The following MTMR14 variants were observed in gnomAD, a reference collection of about 807,000 sequenced individuals.
MTMR14 encodes the protein phosphatidylinositol-3,5-bisphosphate 3-phosphatase MTMR14.
A neutral mutation model predicts 86.3 loss-of-function variants in MTMR14; 48 were observed. That is an observed-to-expected ratio of 0.56 (90% CI 0.44 to 0.71). The LOEUF (loss-of-function observed/expected upper bound fraction) is 0.71. MTMR14 is among the 30% of genes least tolerant of loss of function. The pLI, the probability that MTMR14 is intolerant of heterozygous loss-of-function variation, is 0.00. For synonymous variants in MTMR14, 366 were observed against 326.1 expected (o/e 1.12, Z -1.32); for missense variants, 780 against 834.6 (o/e 0.93, Z 0.81).
At chr3:9,686,025 C>T (rs1298493398) in intron 13 of MTMR14, among the ~76,000 whole-genome samples, 4 of 152,150 alleles carry the variant, frequency 2.6e-5, no homozygotes, top group East Asian at 1.9e-4. Flanking sequence ...CTTTGGCCCC[C>T]ACTCCCCCAT....
chr3:9,687,572 A>T (rs1292205987), intron 13 of MTMR14, among the ~76,000 whole-genome samples: 1 of 151,524 alleles, frequency 6.6e-6, no homozygotes, highest in African/African-American at 2.4e-5. Flanking sequence ...AAAAAAAAAA[A>T]TAGCTGGCTT....
rs776310056 is a variant in MTMR14 at position 9,677,421 on chromosome 3, T to A, written c.822+34T>A. The A allele has an allele frequency of 2.5e-6, 4 of 1,588,070 alleles. No individual in the cohort carries two copies. Among genetic ancestry groups the A allele is most frequent in the Non-Finnish European group, 3.5e-6 (4 of 1,156,400 alleles). On this transcript the variant is annotated intron_variant, in intron 8 of 18. Transcript: ENST00000296003. The surrounding 1 kb of genome is among the most constrained non-coding windows in gnomAD (Gnocchi z 4.2). ...AATAACATACATCAAATTGGATCTA[T>A]GTCTCTTTGTAAAGGGAGGCCAAGG... is the stretch of plus-strand genomic sequence containing the variant.
In MTMR14 at chr3:9,668,736, C is replaced by T. The variant is rs752773387; in HGVS notation, c.435C>T (p.Ala145=). ...TCTCCCAGCACATTTGCAGGTCGGC[C>T]ACACTGGCTGGATGGGGAGAGCTGT... ...LFKGKHICRS[A]TLAGWGELYG... The change falls in exon 4 of 19, where the codon GCC becomes GCT. Residue 145 remains alanine (A), a synonymous_variant. Coordinates refer to ENST00000296003, the MANE Select transcript of MTMR14 (RefSeq NM_001077525.3). The T allele has an allele frequency of 2.5e-6, 4 of 1,614,104 alleles. No homozygotes were observed. The highest frequency in any genetic ancestry group is 1.6e-4 in the Middle Eastern group (1 of 6,084).
rs750443509 is a variant in MTMR14, at chr3:9,697,808, C to T, written c.1711C>T (p.Leu571=). 3.7e-6 allele frequency: 6 copies of T among 1,614,226 alleles called. No individual in the cohort carries two copies. The South Asian group carries it at 5.5e-5, about 15-fold the overall frequency. ...TGGCAGTATTCAGGAGCGGGCTGTC[C>T]TGCACACAGACTCCTCTCTCCCTTT... ...GCGSIQERAV[L]HTDSSLPFSF... is the part of the protein sequence containing the mutation. The change falls in exon 18 of 19, where the codon CTG becomes TTG. Residue 571 remains leucine, a synonymous_variant. Transcript: ENST00000296003.
chr3:9,657,252 G>A (rs1162299374), intron 2 of MTMR14, among the ~76,000 whole-genome samples: 1 of 152,202 alleles, frequency 6.6e-6, no homozygotes, highest in Admixed American at 6.5e-5. Context: ...AATCAACTGG[G>A]GATCTTTCTA....
intron 9 of MTMR14, among the ~76,000 whole-genome samples, chr3:9,678,732 C>G (rs2075663683): frequency 6.6e-6 from 1 of 152,224 alleles, no homozygotes; most frequent in Admixed American, 6.5e-5. Flanking sequence ...CCTGATCTGC[C>G]TCTTCCTTAT....
chr3:9,668,590 A>T, intron 3 of MTMR14, 129 bp from the exon 4 acceptor site: 1 of 875,158 alleles, frequency 1.1e-6, no homozygotes. Flanking sequence ...CTTGATGCTG[A>T]TAAAACTTTG....
At position 9,662,348 on chromosome 3, in the gene MTMR14, C is replaced by G. The variant is rs771479814; in HGVS notation, c.390C>G (p.Val130=). 6.2e-7 allele frequency: 1 copy of G among 1,613,564 alleles called. No individual in the cohort carries two copies. The highest frequency in any genetic ancestry group is 8.5e-7 in the Non-Finnish European group (1 of 1,179,894). ...SKMARCRGRF[V]CPVILFKGKH... is the part of the protein sequence containing the mutation. ...TGGCCCGGTGCAGAGGACGGTTTGTCTGCCCAGTAATCCTGTTCAAGGGCA... is the reference window on the plus strand; with the variant it reads ...TGGCCCGGTGCAGAGGACGGTTTGTGTGCCCAGTAATCCTGTTCAAGGGCA... Residue 130 remains valine, a synonymous_variant, in exon 3 of 19, where the codon GTC becomes GTG. Transcript: ENST00000296003.
chr3:9,661,471 G>A (rs947988651), intron 2 of MTMR14, among the ~76,000 whole-genome samples: 1 of 152,166 alleles, frequency 6.6e-6, no homozygotes, highest in African/African-American at 2.4e-5. Flanking sequence ...CTCACCTCCT[G>A]GTTCCTAATG....
At chr3:9,686,242 C>T (rs1489828430) in intron 13 of MTMR14, among the ~76,000 whole-genome samples, 13 of 152,222 alleles carry the variant, frequency 8.5e-5, no homozygotes, top group Non-Finnish European at 1.6e-4. Flanking sequence ...CCCTCAGAGG[C>T]GGTGACTTTG....
In MTMR14 at chr3:9,674,821, G is replaced by C. The variant is rs2048764731; in HGVS notation, c.751+2063G>C. ...CCCCAAAGCTTTTTTTGTTATAAAA[G>C]GCATCAAAAGCCGAGTGCAGTGGCT... On this transcript the variant is annotated intron_variant, in intron 7 of 18. Transcript: ENST00000296003. 5.9e-5 allele frequency among the ~76,000 whole-genome samples: 9 copies of C among 152,116 alleles called. No homozygotes were observed. The South Asian group carries it at 1.9e-3, about 32-fold the overall frequency.
chr3:9,660,408 G>A (rs1236113138), intron 2 of MTMR14, among the ~76,000 whole-genome samples: 2 of 152,036 alleles, frequency 1.3e-5, no homozygotes, highest in African/African-American at 2.4e-5. Flanking sequence ...ACAGGCACGC[G>A]CCACCACGCC....
intron 18 of MTMR14, chr3:9,699,460 G>A (rs1189320995): frequency 6.6e-6 from 1 of 152,268 alleles, no homozygotes; most frequent in Non-Finnish European, 1.5e-5. Flanking sequence ...ACTGTGGGAT[G>A]TGGTCAGAGT....
chr3:9,657,276 C>A (rs981700484), intron 2 of MTMR14, among the ~76,000 whole-genome samples: 19 of 152,112 alleles, frequency 1.2e-4, no homozygotes, highest in Admixed American at 7.2e-4. Context: ...TGCAGAGATT[C>A]AGAAGACCTG....
At chr3:9,672,861 C>T in intron 7 of MTMR14, 103 bp downstream of exon 7, 1 of 1,085,250 alleles carries the variant, frequency 9.2e-7, no homozygotes, top group Non-Finnish European at 1.4e-6. Flanking sequence ...GGGAGCTTTC[C>T]TGGAGGGTTT....
At chr3:9,666,441 A>T (rs1019582663) in intron 3 of MTMR14, among the ~76,000 whole-genome samples, 3 of 152,214 alleles carry the variant, frequency 2.0e-5, no homozygotes, top group African/African-American at 7.2e-5. Flanking sequence ...CCAATGCCCA[A>T]AGTTTCACAT....
intron 1 of MTMR14, 145 bp downstream of exon 1, chr3:9,649,887 T>C: frequency 1.3e-6 from 2 of 1,524,150 alleles, no homozygotes; most frequent in Non-Finnish European, 1.8e-6. Context: ...CTCCAGGGTC[T>C]GTATCCGGAG....
intron 3 of MTMR14, among the ~76,000 whole-genome samples, chr3:9,663,368 T>G (rs1465232692): frequency 6.6e-6 from 1 of 151,860 alleles, no homozygotes; most frequent in Non-Finnish European, 1.5e-5. Context: ...CTTCTTCAGA[T>G]CAGTTTTAGG....
chr3:9,672,548 C>A, intron 6 of MTMR14, 137 bp from the exon 7 acceptor site: 1 of 790,762 alleles, frequency 1.3e-6, no homozygotes, highest in Non-Finnish European at 2.2e-6. Flanking sequence ...GTAGGCACTG[C>A]TGAAGGGAAT....
Sources: gnomAD v4.1 joint callset for allele counts (sites outside exome capture counted in the v4.1 genomes callset) on GRCh38, gnomAD v4.1.1 for gene constraint, Gnocchi (gnomAD v3.1) non-coding constraint, MANE v1.5 for transcripts, NCBI Gene and HGNC (gene_info 2026-07-23, HGNC 2026-07-21) for gene names.